PPP3R1: variants seen among roughly 807,000 people sequenced by gnomAD.
PPP3R1 encodes the protein calcineurin subunit B type 1.
A neutral mutation model predicts 22.6 loss-of-function variants in PPP3R1; 5 were observed. The ratio of observed to expected loss-of-function variants is 0.22; its 90% confidence interval spans 0.12 to 0.46. PPP3R1 has a LOEUF of 0.46. Among genes scored for constraint, PPP3R1 ranks in the 20% least tolerant of loss-of-function variants. The pLI is 0.99. For synonymous variants in PPP3R1, 56 were observed against 65.2 expected (o/e 0.86, Z 0.68); for missense variants, 61 against 203.2 (o/e 0.30, Z 4.25).
At chr2:68,196,515 T>C (rs1365986892) in intron 2 of PPP3R1, among the ~76,000 whole-genome samples, 1 of 152,208 alleles carries the variant, frequency 6.6e-6, no homozygotes, top group Non-Finnish European at 1.5e-5. Context: ...ACACAGGTCA[T>C]ACATGTATGT....
chr2:68,196,882 G>A (rs534611963), intron 2 of PPP3R1, among the ~76,000 whole-genome samples: 1 of 152,088 alleles, frequency 6.6e-6, no homozygotes, highest in East Asian at 1.9e-4. Context: ...GCGCCACCAC[G>A]CCCTGCTGAT....
At chr2:68,182,938 T>A (rs1674445728) in intron 5 of PPP3R1, among the ~76,000 whole-genome samples, 1 of 152,164 alleles carries the variant, frequency 6.6e-6, no homozygotes, top group Non-Finnish European at 1.5e-5. Flanking sequence ...TCTATCAATT[T>A]TATTGTCTTG....
At position 68,224,081 on chromosome 2, in the gene PPP3R1, A is replaced by G. The variant is rs184609083; in HGVS notation, c.4-6950T>C. 5.9e-3 allele frequency among the ~76,000 whole-genome samples: 894 copies of G among 152,304 alleles called. 5 individuals are homozygous for G. Among genetic ancestry groups the G allele is most frequent in the Non-Finnish European group, 9.1e-3 (622 of 68,016 alleles). ...AATACTTAGAAACAGTTAATAAGAG[A>G]TGTGCAGGGAGTACACATGAAGACT... On this transcript the variant is annotated intron_variant, in intron 1 of 5. Coordinates refer to ENST00000234310, the MANE Select transcript of PPP3R1 (RefSeq NM_000945.4).
chr2:68,199,560 C>G (rs1181108594), intron 2 of PPP3R1, among the ~76,000 whole-genome samples: 1 of 152,124 alleles, frequency 6.6e-6, no homozygotes, highest in African/African-American at 2.4e-5. Flanking sequence ...AACGATTCAG[C>G]CTTTCATCAT....
At chr2:68,248,633 G>C (rs1465718989) in intron 1 of PPP3R1, among the ~76,000 whole-genome samples, 1 of 152,162 alleles carries the variant, frequency 6.6e-6, no homozygotes, top group Non-Finnish European at 1.5e-5. Flanking sequence ...TGCTGTTGCT[G>C]TTGGTTCGGG....
At chr2:68,219,523 T>C (rs1322609843) in intron 1 of PPP3R1, among the ~76,000 whole-genome samples, 1 of 152,190 alleles carries the variant, frequency 6.6e-6, no homozygotes, top group Non-Finnish European at 1.5e-5. Context: ...GTGTGGGCTA[T>C]AGTTTATTGA....
At chr2:68,206,882 A>C (rs112103132) in intron 2 of PPP3R1, among the ~76,000 whole-genome samples, 3,833 of 152,266 alleles carry the variant, frequency 0.025, 147 homozygotes, top group African/African-American at 0.084. Context: ...TGAAAGAAGA[A>C]AAGCTGAGAG....
At chr2:68,242,291 G>C (rs1670151496) in intron 1 of PPP3R1, among the ~76,000 whole-genome samples, 3 of 152,136 alleles carry the variant, frequency 2.0e-5, no homozygotes, top group African/African-American at 7.2e-5. Flanking sequence ...GCTGGGTGTG[G>C]TGGTGCGCAC....
chr2:68,204,542 G>T (rs1404842658), intron 2 of PPP3R1, among the ~76,000 whole-genome samples: 2 of 152,132 alleles, frequency 1.3e-5, no homozygotes, highest in Non-Finnish European at 2.9e-5. Flanking sequence ...TTCACCTGCT[G>T]TGTGACTTAA....
In PPP3R1 at chr2:68,187,307, A is replaced by AGTT; in HGVS notation, c.227_228insAAC (p.Ile76_Glu77insThr). 6.2e-7 allele frequency: 1 copy of AGTT among 1,610,196 alleles called. No homozygotes were observed. The highest frequency in any genetic ancestry group is 8.5e-7 in the Non-Finnish European group (1 of 1,177,956). On this transcript the variant is annotated inframe_insertion, in exon 4 of 6. Coordinates refer to ENST00000234310, the MANE Select transcript of PPP3R1 (RefSeq NM_000945.4). ...TGACACTGAACTGAGAGACGCCCTC[A>AGTT]ATGAATTCTGAATAAGAGTTAAAAA... is the stretch of plus-strand genomic sequence containing the variant.
At chr2:68,195,163 A>G (rs917922828) in intron 2 of PPP3R1, among the ~76,000 whole-genome samples, 6 of 152,084 alleles carry the variant, frequency 3.9e-5, no homozygotes, top group Non-Finnish European at 4.4e-5. Context: ...CAAGAACTCT[A>G]TTATCTTTGT....
intron 2 of PPP3R1, among the ~76,000 whole-genome samples, chr2:68,212,088 G>T (rs939729741): frequency 2.6e-5 from 4 of 151,268 alleles, no homozygotes; most frequent in Non-Finnish European, 5.9e-5. Flanking sequence ...CGGTTTGTTT[G>T]TTTTTTTTTG....
At chr2:68,238,390 A>G (rs1670055694) in intron 1 of PPP3R1, among the ~76,000 whole-genome samples, 1 of 152,144 alleles carries the variant, frequency 6.6e-6, no homozygotes, top group African/African-American at 2.4e-5. Context: ...GACGTTTGCC[A>G]GACAGAGAAA....
intron 1 of PPP3R1, among the ~76,000 whole-genome samples, chr2:68,244,270 T>C (rs1421659375): frequency 6.6e-6 from 1 of 152,216 alleles, no homozygotes; most frequent in Non-Finnish European, 1.5e-5. Context: ...CCTAGGTCAC[T>C]GACCAACTGC....
chr2:68,200,600 A>G (rs539305185), intron 2 of PPP3R1, among the ~76,000 whole-genome samples: 151 of 152,342 alleles, frequency 9.9e-4, no homozygotes, highest in African/African-American at 3.5e-3. Context: ...GCTCGATGTT[A>G]TAAAGCTTGA....
intron 5 of PPP3R1, among the ~76,000 whole-genome samples, chr2:68,185,463 A>G (rs996405519): frequency 6.8e-6 from 1 of 147,480 alleles, no homozygotes; most frequent in Non-Finnish European, 1.5e-5. Flanking sequence ...TTTATAATTT[A>G]TATATTATAT....
chr2:68,215,456 C>T (rs758957304), intron 2 of PPP3R1, among the ~76,000 whole-genome samples: 1 of 152,168 alleles, frequency 6.6e-6, no homozygotes, highest in Non-Finnish European at 1.5e-5. Context: ...GAGCATTGCA[C>T]ACACCAACAA....
chr2:68,197,033 C>T (rs541321458), intron 2 of PPP3R1, among the ~76,000 whole-genome samples: 1 of 152,110 alleles, frequency 6.6e-6, no homozygotes, highest in Non-Finnish European at 1.5e-5. Flanking sequence ...CCTAAAAATG[C>T]TAAAATAATT....
intron 1 of PPP3R1, among the ~76,000 whole-genome samples, chr2:68,237,570 G>A (rs534761441): frequency 6.6e-5 from 10 of 152,050 alleles, no homozygotes; most frequent in Admixed American, 3.3e-4. Context: ...GTAATGTGAC[G>A]AGAATGAATA....
Sources: gnomAD v4.1 joint callset for allele counts (sites outside exome capture counted in the v4.1 genomes callset) on GRCh38, gnomAD v4.1.1 for gene constraint, MANE v1.5 for transcripts, NCBI Gene and HGNC (gene_info 2026-07-23, HGNC 2026-07-21) for gene names.